The following CAMTA1 variants were observed in gnomAD, a reference collection of about 807,000 sequenced individuals.
The protein encoded by CAMTA1 is calmodulin-binding transcription activator 1.
A neutral mutation model predicts 170.9 loss-of-function variants in CAMTA1; 27 were observed. The ratio of observed to expected loss-of-function variants is 0.16; its 90% CI spans 0.12 to 0.22. The LOEUF is 0.22. Ranked by LOEUF, CAMTA1 falls within the 10% of genes least tolerant of loss-of-function variation. CAMTA1 has a pLI of 1.00. For synonymous variants in CAMTA1, 833 were observed against 891.5 expected, an observed-to-expected ratio of 0.93 and a Z score of 1.17; for missense variants, 1,619 against 2,217.2, an observed-to-expected ratio of 0.73 and a Z score of 5.42.
intron 5 of CAMTA1, among the ~76,000 whole-genome samples, chr1:7,358,425 C>A (rs2085290165): frequency 6.6e-6 from 1 of 152,166 alleles, no homozygotes; most frequent in South Asian, 2.1e-4. Flanking sequence ...TGACTTTTTA[C>A]ACTGTTTGTA....
At chr1:7,589,346 T>C (rs187255592) in intron 6 of CAMTA1, among the ~76,000 whole-genome samples, 3 of 152,332 alleles carry the variant, frequency 2.0e-5, no homozygotes, top group South Asian at 4.1e-4. Flanking sequence ...GTTCCCCACA[T>C]GTCCCCTGCA....
chr1:7,459,601 C>T (rs1472608316), intron 5 of CAMTA1, among the ~76,000 whole-genome samples: 4 of 152,186 alleles, frequency 2.6e-5, no homozygotes, highest in African/African-American at 7.2e-5. Flanking sequence ...TGGACATCAG[C>T]GTAGCACACT....
intron 5 of CAMTA1, among the ~76,000 whole-genome samples, chr1:7,307,369 G>A (rs1268603046): frequency 3.3e-5 from 5 of 151,264 alleles, no homozygotes; most frequent in Non-Finnish European, 7.4e-5. Flanking sequence ...AATTTTTTGT[G>A]TGGGCAATCA....
intron 5 of CAMTA1, among the ~76,000 whole-genome samples, chr1:7,281,886 G>A (rs549277933): frequency 1.5e-4 from 22 of 150,466 alleles, no homozygotes; most frequent in Non-Finnish European, 3.0e-4. Context: ...TTTGTGGAAC[G>A]GGTAGAAACC....
At chr1:7,688,868 C>T (rs890252441) in intron 11 of CAMTA1, among the ~76,000 whole-genome samples, 5 of 152,188 alleles carry the variant, frequency 3.3e-5, no homozygotes, top group African/African-American at 1.2e-4. Context: ...TCTGCTGAAA[C>T]TTTGCACCTG....
chr1:7,240,051 G>A (rs1664593068), intron 4 of CAMTA1, among the ~76,000 whole-genome samples: 1 of 152,124 alleles, frequency 6.6e-6, no homozygotes, highest in Non-Finnish European at 1.5e-5. Context: ...TCCAACACAT[G>A]ACCTTTAGGG....
chr1:7,546,461 C>T (rs2094694565), intron 6 of CAMTA1, among the ~76,000 whole-genome samples: 1 of 152,174 alleles, frequency 6.6e-6, no homozygotes, highest in African/African-American at 2.4e-5. Flanking sequence ...CTGCAATGAA[C>T]ATACACATGC....
At chr1:7,097,194 GTCTT>G (rs1416830542) in intron 4 of CAMTA1, among the ~76,000 whole-genome samples, 1 of 152,244 alleles carries the variant, frequency 6.6e-6, no homozygotes, top group Non-Finnish European at 1.5e-5. Flanking sequence ...TCATGAGTGA[GTCTT>G]TCTTCCCCAG....
intron 5 of CAMTA1, among the ~76,000 whole-genome samples, chr1:7,391,068 G>A (rs1272866811): frequency 6.6e-6 from 1 of 152,044 alleles, no homozygotes; most frequent in African/African-American, 2.4e-5. Context: ...CGCGATCTCG[G>A]CTCACCGCAA....
At chr1:7,052,990 A>G (rs1706673505) in intron 3 of CAMTA1, among the ~76,000 whole-genome samples, 1 of 152,174 alleles carries the variant, frequency 6.6e-6, no homozygotes, top group Non-Finnish European at 1.5e-5. Context: ...CAACACTGAC[A>G]CTGCCCTGGC....
intron 3 of CAMTA1, among the ~76,000 whole-genome samples, chr1:6,914,913 A>AC (rs1038548416): frequency 6.6e-6 from 1 of 152,198 alleles, no homozygotes; most frequent in African/African-American, 2.4e-5. Flanking sequence ...GACACACTGT[A>AC]CTGCCTGAAA....
intron 3 of CAMTA1, among the ~76,000 whole-genome samples, chr1:7,027,490 A>C (rs983713681): frequency 2.6e-5 from 4 of 152,198 alleles, no homozygotes; most frequent in African/African-American, 9.7e-5. Flanking sequence ...TCTGTTCTTT[A>C]AATCTCAATC....
chr1:7,199,059 C>G (rs958868541), intron 4 of CAMTA1, among the ~76,000 whole-genome samples: 3 of 152,196 alleles, frequency 2.0e-5, no homozygotes, highest in African/African-American at 7.2e-5. Flanking sequence ...TCTTTTCCCC[C>G]CCACTTCTCT....
chr1:7,057,387 A>G (rs561995167), intron 3 of CAMTA1, among the ~76,000 whole-genome samples: 1 of 152,300 alleles, frequency 6.6e-6, no homozygotes, highest in South Asian at 2.1e-4. Context: ...ACAGGTATTT[A>G]AGCAGGGACT....
At position 7,670,941 on chromosome 1, in the gene CAMTA1, T is replaced by C; in HGVS notation, c.2683T>C (p.Trp895Arg). ...AGTGAAGGTCCTCATCACAGGCCCGTGGCAAGAAGCCAGCAATAACTACAG... is the reference window on the plus strand; with the variant it reads ...AGTGAAGGTCCTCATCACAGGCCCGCGGCAAGAAGCCAGCAATAACTACAG... ...GGVKVLITGP[W>R]QEASNNYSCL... is the part of the protein sequence containing the mutation. The change falls in exon 10 of 23, where the codon TGG becomes CGG. Residue 895 changes from tryptophan (W) to arginine (R), a missense_variant. This residue lies in a region of CAMTA1 where 29 missense variants were observed against 70.9 expected (regional missense o/e 0.41). Coordinates refer to ENST00000303635, the MANE Select transcript of CAMTA1 (RefSeq NM_015215.4). 1 of 1,613,716 alleles carries C rather than the reference T, an allele frequency of 6.2e-7. No homozygotes were observed. Among genetic ancestry groups the C allele is most frequent in the Non-Finnish European group, 8.5e-7 (1 of 1,179,958 alleles).
chr1:7,130,170 A>C (rs1645169097), intron 4 of CAMTA1, among the ~76,000 whole-genome samples: 1 of 152,044 alleles, frequency 6.6e-6, no homozygotes, highest in Non-Finnish European at 1.5e-5. Flanking sequence ...AACTCCTGAC[A>C]TCAAGTGATC....
intron 1 of CAMTA1, among the ~76,000 whole-genome samples, chr1:6,795,453 C>T (rs966110179): frequency 2.0e-5 from 3 of 152,042 alleles, no homozygotes; most frequent in South Asian, 2.1e-4. Flanking sequence ...CTCAGCCTCC[C>T]GAAGTGCTGG....
At position 7,663,774 on chromosome 1, in the gene CAMTA1, G is replaced by A. The variant is rs2095980745; in HGVS notation, c.1227G>A (p.Val409=). ...TGTCAGAGGTCACCAATGAGGCCGT[G>A]TACACCATGTCCCCCACCGCTGGCC... The part of the protein sequence containing the change: ...VFMSEVTNEA[V]YTMSPTAGPN... Residue 409 remains valine (V), a synonymous_variant, in exon 9 of 23, where the codon GTG becomes GTA. Coordinates refer to ENST00000303635, the MANE Select transcript of CAMTA1 (RefSeq NM_015215.4). 1 of 1,614,068 alleles carries A rather than the reference G, an allele frequency of 6.2e-7. No individual in the cohort carries two copies. The highest frequency in any genetic ancestry group is 8.5e-7 in the Non-Finnish European group (1 of 1,180,006).
Position 7,542,428 on chromosome 1 carries a change from T to C in CAMTA1, c.510+74527T>C, listed in dbSNP as rs147262280. On this transcript the variant is annotated intron_variant, in intron 6 of 22. Transcript: ENST00000303635. ...CACTGTTTCTCAAAACATATTTTTT[T>C]GTTTTTTTTGTTTGTTTGTTTTTTT... 3.9e-5 allele frequency among the ~76,000 whole-genome samples: 6 copies of C among 152,320 alleles called. No homozygotes were observed. In the East Asian group the frequency reaches 1.2e-3, roughly 29 times the overall value.
Sources: allele counts gnomAD v4.1 joint callset (sites outside exome capture counted in the v4.1 genomes callset), GRCh38; gene constraint gnomAD v4.1.1; regional missense constraint gnomAD v4.1.1; transcripts MANE v1.5; gene names NCBI Gene and HGNC (gene_info 2026-07-23, HGNC 2026-07-21).